COL26A1: variants seen among roughly 807,000 people sequenced by gnomAD.
The protein encoded by COL26A1 is collagen alpha-1(XXVI) chain.
Under a neutral mutation model 59.3 loss-of-function variants are expected in COL26A1, and 41 were observed. The observed-to-expected ratio is 0.69, with a 90% CI of 0.54 to 0.90. The LOEUF is 0.90. Among genes scored for constraint, COL26A1 ranks in the 40% least tolerant of loss-of-function variants. The probability of loss-of-function intolerance (pLI) is 0.00; values close to 1 mark genes in which losing one functional copy is unlikely to be tolerated. For synonymous variants in COL26A1, 266 were observed against 256.0 expected, an observed-to-expected ratio of 1.04 and a Z score of -0.37; for missense variants, 612 against 602.3, an observed-to-expected ratio of 1.02 and a Z score of -0.17.
At chr7:101,417,808 G>A (rs1370897005) in intron 1 of COL26A1, among the ~76,000 whole-genome samples, 1 of 151,362 alleles carries the variant, frequency 6.6e-6, no homozygotes, top group Non-Finnish European at 1.5e-5. Flanking sequence ...TGCAACTTCT[G>A]CCTCCTGGGT....
intron 1 of COL26A1, among the ~76,000 whole-genome samples, chr7:101,370,495 C>T (rs536245587): frequency 2.0e-5 from 3 of 152,032 alleles, no homozygotes; most frequent in Admixed American, 6.5e-5. Flanking sequence ...CTCAGCCTTC[C>T]GACTAGCTGG....
intron 3 of COL26A1, among the ~76,000 whole-genome samples, chr7:101,481,411 T>TTATA (rs200702862): frequency 7.5e-4 from 109 of 144,794 alleles, no homozygotes; most frequent in African/African-American, 2.6e-3. Flanking sequence ...TTTATCACAA[T>TTATA]TATATATATA....
chr7:101,429,994 T>G (rs1279401642), intron 2 of COL26A1, among the ~76,000 whole-genome samples: 1 of 152,188 alleles, frequency 6.6e-6, no homozygotes, highest in South Asian at 2.1e-4. Context: ...TGGGATTTTT[T>G]AAAATAGGAA....
Position 101,535,722 on chromosome 7 carries a change from T to C in COL26A1, c.447+2579T>C, listed in dbSNP as rs897016300. On this transcript the variant is annotated intron_variant, in intron 4 of 12. Coordinates refer to ENST00000313669, the MANE Select transcript of COL26A1 (RefSeq NM_001278563.3). ...TTCCCACCCTTCCTCCACTCCATCTTGGCCAGCCCTTCCCTCTGGATCTCA... is the reference window on the plus strand; with the variant it reads ...TTCCCACCCTTCCTCCACTCCATCTCGGCCAGCCCTTCCCTCTGGATCTCA... 3.3e-5 allele frequency among the ~76,000 whole-genome samples: 5 copies of C among 152,288 alleles called. No individual in the cohort carries two copies. The East Asian group carries it at 7.7e-4, about 24-fold the overall frequency.
intron 1 of COL26A1, among the ~76,000 whole-genome samples, chr7:101,372,783 C>T (rs1166077417): frequency 6.6e-6 from 1 of 152,000 alleles, no homozygotes; most frequent in Non-Finnish European, 1.5e-5. Flanking sequence ...ATTGCTTGAG[C>T]TCAGGAGTTC....
At position 101,496,368 on chromosome 7, in the gene COL26A1, A is replaced by G. The variant is rs2130545522; in HGVS notation, c.386-36714A>G. On this transcript the variant is annotated intron_variant, in intron 3 of 12. Transcript: ENST00000313669. ...TTGCAGCAGAGAAAAAGGTTTAATCATAGCGTCACTAAATGAGGAGATGGG... is the reference window on the plus strand; with the variant it reads ...TTGCAGCAGAGAAAAAGGTTTAATCGTAGCGTCACTAAATGAGGAGATGGG... Among the ~76,000 whole-genome samples, 2 of 152,342 alleles carry G rather than the reference A, an allele frequency of 1.3e-5. 1 individual carries two copies. The highest frequency in any genetic ancestry group is 4.8e-5 in the African/African-American group (2 of 41,578).
In COL26A1 at chr7:101,420,888, ACT is replaced by A. The variant is rs1734534140; in HGVS notation, c.281+793_281+794del. Among the ~76,000 whole-genome samples the A allele has an allele frequency of 2.0e-5, 3 of 150,492 alleles. No individual in the cohort carries two copies. The South Asian group carries it at 6.3e-4, about 32-fold the overall frequency. On this transcript the variant is annotated intron_variant, in intron 2 of 12. Coordinates refer to ENST00000313669, the MANE Select transcript of COL26A1 (RefSeq NM_001278563.3). The stretch of plus-strand genomic sequence containing the variant: ...AGCATTCACGGTCTCCAAAGTTCCA[ACT>A]CTCCTTCTTTTCCCTTCTTCCTCCT...
At chr7:101,464,081 G>A (rs376300776) in intron 3 of COL26A1, among the ~76,000 whole-genome samples, 27 of 151,170 alleles carry the variant, frequency 1.8e-4, no homozygotes, top group South Asian at 4.2e-4. Flanking sequence ...TCCTCCTACC[G>A]TAGTCTCCCA....
intron 5 of COL26A1, among the ~76,000 whole-genome samples, chr7:101,541,054 G>A (rs1418968277): frequency 6.6e-6 from 1 of 152,174 alleles, no homozygotes; most frequent in African/African-American, 2.4e-5. Context: ...CCAGCTACTG[G>A]GTTGCCACTG....
At chr7:101,455,654 C>A (rs1470109585) in intron 3 of COL26A1, among the ~76,000 whole-genome samples, 3 of 151,668 alleles carry the variant, frequency 2.0e-5, no homozygotes, top group Non-Finnish European at 2.9e-5. Context: ...AGGTGTGCAC[C>A]ACCACCCCCA....
intron 3 of COL26A1, among the ~76,000 whole-genome samples, chr7:101,528,337 A>G (rs1237926360): frequency 6.6e-6 from 1 of 152,150 alleles, no homozygotes; most frequent in Non-Finnish European, 1.5e-5. Context: ...CACTCTGCTC[A>G]AGGCCCCTAA....
intron 1 of COL26A1, among the ~76,000 whole-genome samples, chr7:101,387,776 A>ATTTTTTTTTTTTTTTTT (rs1445116473): frequency 9.1e-4 from 77 of 84,736 alleles, no homozygotes; most frequent in Non-Finnish European, 1.5e-3. Context: ...ATATATATAT[A>ATTTTTTTTTTTTTTTTT]TATTTTTTTT....
chr7:101,410,686 GGTGTGTGTGTGT>G (rs3072481), intron 1 of COL26A1, among the ~76,000 whole-genome samples: 1 of 149,604 alleles, frequency 6.7e-6, no homozygotes, highest in South Asian at 2.1e-4. Flanking sequence ...GGCTAATTTT[GGTGTGTGTGTGT>G]GTGTGTGTGT....
At chr7:101,476,740 G>A (rs1259947728) in intron 3 of COL26A1, among the ~76,000 whole-genome samples, 4 of 151,340 alleles carry the variant, frequency 2.6e-5, no homozygotes, top group Non-Finnish European at 5.9e-5. Flanking sequence ...GTAGAGACGG[G>A]GTTTTACCGT....
intron 3 of COL26A1, among the ~76,000 whole-genome samples, chr7:101,461,624 C>T (rs1042856100): frequency 1.3e-5 from 2 of 152,090 alleles, no homozygotes; most frequent in Non-Finnish European, 2.9e-5. Context: ...TATGATCTTC[C>T]CTGGGGCTAA....
intron 3 of COL26A1, among the ~76,000 whole-genome samples, chr7:101,524,690 C>G (rs190777157): frequency 3.0e-4 from 45 of 152,180 alleles, no homozygotes; most frequent in African/African-American, 1.1e-3. Flanking sequence ...CTTTATGATG[C>G]TTTTGTACAT....
chr7:101,394,960 G>A (rs1791822922), intron 1 of COL26A1, among the ~76,000 whole-genome samples: 1 of 129,014 alleles, frequency 7.8e-6, no homozygotes, highest in Non-Finnish European at 1.6e-5. Flanking sequence ...TGAAACCTCT[G>A]CCTCCCAGGT....
chr7:101,417,307 C>T (rs10242252), intron 1 of COL26A1, among the ~76,000 whole-genome samples: 15,626 of 151,292 alleles, frequency 0.1, 1,206 homozygotes, highest in African/African-American at 0.22. Context: ...GAATGGGAAA[C>T]GAGTGTGTAA....
intron 3 of COL26A1, among the ~76,000 whole-genome samples, chr7:101,496,858 C>G (rs559184399): frequency 6.8e-6 from 1 of 146,022 alleles, no homozygotes; most frequent in African/African-American, 2.6e-5. Flanking sequence ...TCAACCTGGG[C>G]AACACAGTGA....
Sources: gnomAD v4.1 joint callset for allele counts (sites outside exome capture counted in the v4.1 genomes callset) on GRCh38, gnomAD v4.1.1 for gene constraint, MANE v1.5 for transcripts, NCBI Gene and HGNC (gene_info 2026-07-23, HGNC 2026-07-21) for gene names.